P3H2: variants seen among roughly 807,000 people sequenced by gnomAD.
P3H2 encodes leprecan-like 1.
A neutral mutation model predicts 87.0 loss-of-function variants in P3H2; 80 were observed. That is an observed-to-expected ratio of 0.92 (90% confidence interval 0.77 to 1.11). The LOEUF (loss-of-function observed/expected upper bound fraction) is 1.11, where lower values mean the gene tolerates loss of function less well. Among genes scored for constraint, P3H2 ranks in the 50% least tolerant of loss-of-function variants. The pLI, the probability that P3H2 is intolerant of heterozygous loss-of-function variation, is 0.00. For missense variants in P3H2, 1,001 were observed against 923.9 expected, an observed-to-expected ratio of 1.08 and a Z score of -1.08; for synonymous variants, 367 against 359.3, an observed-to-expected ratio of 1.02 and a Z score of -0.24.
At chr3:190,038,817 G>C (rs1479778309) in intron 1 of P3H2, among the ~76,000 whole-genome samples, 2 of 152,162 alleles carry the variant, frequency 1.3e-5, no homozygotes, top group Non-Finnish European at 2.9e-5. Flanking sequence ...TATGGACAAG[G>C]CAGAGGTTAA....
intron 1 of P3H2, among the ~76,000 whole-genome samples, chr3:189,998,899 C>T (rs1259500089): frequency 6.6e-6 from 1 of 152,106 alleles, no homozygotes; most frequent in Non-Finnish European, 1.5e-5. Context: ...GAGCACACAA[C>T]CTAGATCCCT....
intron 1 of P3H2, among the ~76,000 whole-genome samples, chr3:190,036,438 C>A (rs1244473441): frequency 2.6e-5 from 4 of 151,650 alleles, no homozygotes; most frequent in African/African-American, 9.7e-5. Context: ...AATGACTATG[C>A]CTTAATAATT....
At chr3:190,086,474 T>C (rs1387790241) in intron 1 of P3H2, among the ~76,000 whole-genome samples, 2 of 152,176 alleles carry the variant, frequency 1.3e-5, no homozygotes, top group Non-Finnish European at 2.9e-5. Flanking sequence ...CTGGATTCCT[T>C]ACCCTGCATA....
At chr3:190,041,021 T>TAC (rs1725591182) in intron 1 of P3H2, among the ~76,000 whole-genome samples, 1 of 29,146 alleles carries the variant, frequency 3.4e-5, no homozygotes, top group Non-Finnish European at 7.5e-5. Flanking sequence ...ATGGCTCTAC[T>TAC]ATATATATAT....
intron 1 of P3H2, among the ~76,000 whole-genome samples, chr3:190,113,673 C>A (rs189349678): frequency 6.6e-6 from 1 of 152,316 alleles, no homozygotes; most frequent in Admixed American, 6.5e-5. Context: ...GAGAATTTCA[C>A]AGCTACCCCT....
intron 1 of P3H2, among the ~76,000 whole-genome samples, chr3:190,103,550 G>T (rs1028510831): frequency 6.6e-6 from 1 of 152,144 alleles, no homozygotes; most frequent in Non-Finnish European, 1.5e-5. Flanking sequence ...ATTTATTTAT[G>T]AAGAGTTAAA....
chr3:190,060,568 C>T (rs1455007408), intron 1 of P3H2, among the ~76,000 whole-genome samples: 1 of 152,164 alleles, frequency 6.6e-6, no homozygotes, highest in Non-Finnish European at 1.5e-5. Flanking sequence ...TCATTGCTTT[C>T]AGTCAAGCAC....
intron 8 of P3H2, among the ~76,000 whole-genome samples, chr3:189,979,679 G>C (rs1272179328): frequency 6.6e-6 from 1 of 152,032 alleles, no homozygotes; most frequent in Non-Finnish European, 1.5e-5. Context: ...TCTGGTGGGT[G>C]GGCTGAGCAC....
intron 8 of P3H2, among the ~76,000 whole-genome samples, chr3:189,980,131 C>T (rs2108913916): frequency 6.6e-6 from 1 of 152,220 alleles, no homozygotes; most frequent in East Asian, 1.9e-4. Flanking sequence ...AGGAGCTGTC[C>T]AGTAGGAATA....
At chr3:190,089,274 C>G (rs959770993) in intron 1 of P3H2, among the ~76,000 whole-genome samples, 2 of 152,056 alleles carry the variant, frequency 1.3e-5, no homozygotes, top group Non-Finnish European at 2.9e-5. Context: ...ATGTAAATGA[C>G]GAGTTAATGG....
At chr3:190,093,148 C>T (rs1727468507) in intron 1 of P3H2, among the ~76,000 whole-genome samples, 2 of 152,096 alleles carry the variant, frequency 1.3e-5, no homozygotes, top group South Asian at 2.1e-4. Context: ...TACTAAGCAA[C>T]GATAATAGAA....
rs1208448298 is a variant in P3H2, at chr3:190,025,513, A to G, written c.481-30071T>C. The stretch of plus-strand genomic sequence containing the variant: ...TGCCTCATTTTCCCCAAGTATAAAG[A>G]AGACATAATAATAGTATTCACCTGT... On this transcript the variant is annotated intron_variant, in intron 1 of 14. Coordinates refer to ENST00000319332, the MANE Select transcript of P3H2 (RefSeq NM_018192.4). Among the ~76,000 whole-genome samples the G allele has an allele frequency of 2.0e-5, 3 of 152,158 alleles. No homozygotes were observed. The East Asian group carries it at 5.8e-4, about 29-fold the overall frequency.
At chr3:190,066,003 T>C (rs374229457) in intron 1 of P3H2, among the ~76,000 whole-genome samples, 13 of 152,174 alleles carry the variant, frequency 8.5e-5, no homozygotes, top group African/African-American at 2.9e-4. Flanking sequence ...TTCCATGTAT[T>C]TGCATGGTTT....
intron 1 of P3H2, among the ~76,000 whole-genome samples, chr3:190,079,373 TA>T: frequency 6.6e-6 from 1 of 150,758 alleles, no homozygotes; most frequent in African/African-American, 2.4e-5. Context: ...AATAAATAAA[TA>T]AATAAATAAA....
At chr3:190,013,189 G>A (rs1006921103) in intron 1 of P3H2, among the ~76,000 whole-genome samples, 3 of 152,172 alleles carry the variant, frequency 2.0e-5, no homozygotes, top group South Asian at 4.1e-4. Context: ...AGCATTGGGA[G>A]GGCTACACAG....
At chr3:190,088,076 A>G (rs1220058103) in intron 1 of P3H2, among the ~76,000 whole-genome samples, 2 of 152,236 alleles carry the variant, frequency 1.3e-5, no homozygotes, top group Non-Finnish European at 2.9e-5. Flanking sequence ...AACAGAGACC[A>G]AACATAAAAT....
rs35257648 is a variant in P3H2 at position 189,974,633 on chromosome 3, C to T, written c.1377G>A (p.Leu459=). The change falls in exon 9 of 15, where the codon CTG becomes CTA. Residue 459 remains leucine, a synonymous_variant. Coordinates refer to ENST00000319332, the MANE Select transcript of P3H2 (RefSeq NM_018192.4). ...CCAGGAGAACCCGCTGAGTCCCGTT[C>T]AGCTGCTCCGAGTTGTAGACGAATG... ...NITFVYNSEQ[L]NGTQRVLLDN... is the part of the protein sequence containing the mutation. 825 of 1,614,190 alleles carry T rather than the reference C, an allele frequency of 5.1e-4. 5 individuals carry two copies. The African/African-American group carries it at 9.4e-3, about 18-fold the overall frequency.
chr3:190,095,117 TTTAA>T (rs1384446582), intron 1 of P3H2, among the ~76,000 whole-genome samples: 3 of 151,952 alleles, frequency 2.0e-5, no homozygotes, highest in East Asian at 3.9e-4. Flanking sequence ...TATTAGCTTA[TTTAA>T]TTATTATAAC....
At position 189,966,344 on chromosome 3, in the gene P3H2, A is replaced by G. The variant is rs910251280; in HGVS notation, c.1894-2246T>C. Among the ~76,000 whole-genome samples, 17 of 152,182 alleles carry G rather than the reference A, an allele frequency of 1.1e-4. 1 individual carries two copies. The South Asian group carries it at 1.9e-3, about 17-fold the overall frequency. The stretch of plus-strand genomic sequence containing the variant: ...TTGGTAACATCTTATAAGACTAAAG[A>G]AAGGATGTGGGGACAAATTAGTATT... On this transcript the variant is annotated intron_variant, in intron 13 of 14. Coordinates refer to ENST00000319332, the MANE Select transcript of P3H2 (RefSeq NM_018192.4).
Sources: allele counts gnomAD v4.1 joint callset (sites outside exome capture counted in the v4.1 genomes callset), GRCh38; gene constraint gnomAD v4.1.1; transcripts MANE v1.5; gene names NCBI Gene and HGNC (gene_info 2026-07-23, HGNC 2026-07-21).